Variants in HEATR5B observed in about 807,000 individuals in gnomAD.
The protein encoded by HEATR5B is HEAT repeat containing 5B, also known as HEAT repeat-containing protein 5B.
Under a neutral mutation model 224.1 loss-of-function variants are expected in HEATR5B, and 156 were observed. The ratio of observed to expected loss-of-function variants is 0.70; its 90% CI spans 0.61 to 0.80. HEATR5B has a LOEUF of 0.80. Ranked by LOEUF, HEATR5B falls within the 30% of genes least tolerant of loss-of-function variation. HEATR5B has a pLI of 0.00. For synonymous variants in HEATR5B, 1,027 were observed against 893.0 expected, an observed-to-expected ratio of 1.15 and a Z score of -2.68; for missense variants, 2,323 against 2,535.5, an observed-to-expected ratio of 0.92 and a Z score of 1.80.
Position 37,065,770 on chromosome 2 carries a change from GAAT to G in HEATR5B, c.1315_1317del (p.Ile439del). On this transcript the variant is annotated inframe_deletion, in exon 9 of 36. Transcript: ENST00000233099. ...AATGTCATACCTATAGATGCTTCTT[GAAT>G]AAGAGGGGATGCGGTGGCATTCAAG... is the stretch of plus-strand genomic sequence containing the variant. The G allele has an allele frequency of 6.2e-7, 1 of 1,613,438 alleles. No individual in the cohort carries two copies. The highest frequency in any genetic ancestry group is 8.5e-7 in the Non-Finnish European group (1 of 1,179,564).
At chr2:37,035,839 TA>T (rs1185750556) in intron 21 of HEATR5B, among the ~76,000 whole-genome samples, 2 of 152,110 alleles carry the variant, frequency 1.3e-5, no homozygotes, top group African/African-American at 4.8e-5. Flanking sequence ...TCCAGGCCCA[TA>T]AAACTAACTA....
intron 22 of HEATR5B, among the ~76,000 whole-genome samples, chr2:37,031,961 A>C (rs935306202): frequency 6.3e-5 from 8 of 127,986 alleles, no homozygotes; most frequent in African/African-American, 2.1e-4. Context: ...TAGGAATTTA[A>C]GCTATACCTA....
At position 37,028,854 on chromosome 2, in the gene HEATR5B, T is replaced by G. The variant is rs1363915141; in HGVS notation, c.3428A>C (p.Asn1143Thr). The change falls in exon 23 of 36, where the codon AAT becomes ACT. Residue 1143 changes from asparagine to threonine, a missense_variant. By Grantham distance (65) the Asn-to-Thr change is moderately conservative. This residue lies in a region of HEATR5B where 339 missense variants were observed against 378.4 expected (regional missense o/e 0.90). Coordinates refer to ENST00000233099, the MANE Select transcript of HEATR5B (RefSeq NM_019024.3). Reference protein sequence around the residue: ...TDIHCRHQGVNITETGLEGLL... With the variant: ...TDIHCRHQGVTITETGLEGLL... The stretch of plus-strand genomic sequence containing the variant: ...TCCCTCAAGACCAGTTTCTGTTATA[T>G]TAACACCTTGGTGCCGGCAATGGAT... 1 of 1,614,060 alleles carries G rather than the reference T, an allele frequency of 6.2e-7. No individual in the cohort carries two copies. The highest frequency in any genetic ancestry group is 1.1e-5 in the South Asian group (1 of 91,090).
intron 14 of HEATR5B, among the ~76,000 whole-genome samples, chr2:37,058,048 C>T (rs1325668375): frequency 6.6e-6 from 1 of 152,086 alleles, no homozygotes; most frequent in Admixed American, 6.6e-5. Context: ...GAATTATTTG[C>T]TATATTACAG....
At chr2:37,004,052 AC>A (rs1667260979) in intron 30 of HEATR5B, among the ~76,000 whole-genome samples, 1 of 152,168 alleles carries the variant, frequency 6.6e-6, no homozygotes, top group Admixed American at 6.6e-5. Flanking sequence ...ACCTCTGCCT[AC>A]CACAGATTGT....
chr2:37,034,053 T>C (rs991893384), intron 21 of HEATR5B, among the ~76,000 whole-genome samples: 3 of 152,020 alleles, frequency 2.0e-5, no homozygotes, highest in Non-Finnish European at 2.9e-5. Context: ...TGCCAGATAG[T>C]ATATTTTTAG....
In HEATR5B at chr2:37,058,924, A is replaced by G. The variant is rs201118646; in HGVS notation, c.1913T>C (p.Met638Thr). 2 of 1,610,918 alleles carry G rather than the reference A, an allele frequency of 1.2e-6. No individual in the cohort carries two copies. The highest frequency in any genetic ancestry group is 1.7e-5 in the Admixed American group (1 of 59,968). The change falls in exon 13 of 36, where the codon ATG (methionine) becomes ACG (threonine). Residue 638 changes from methionine (M) to threonine (T), a missense_variant. Coordinates refer to ENST00000233099, the MANE Select transcript of HEATR5B (RefSeq NM_019024.3). ...LLTEDVIRKL[M>T]TPIECAMTMM... is the part of the protein sequence containing the mutation. ...AGTCATGGCACATTCAATAGGGGTCATCAATTTTCGAATCACATCTTCAGT... is the reference window on the plus strand; with the variant it reads ...AGTCATGGCACATTCAATAGGGGTCGTCAATTTTCGAATCACATCTTCAGT...
chr2:37,012,394 ATT>A (rs897271764), intron 27 of HEATR5B, among the ~76,000 whole-genome samples: 1 of 147,984 alleles, frequency 6.8e-6, no homozygotes. Flanking sequence ...AATTAATTAA[ATT>A]TTTTTTTTTT....
At chr2:37,019,560 T>C (rs1668339434) in intron 26 of HEATR5B, among the ~76,000 whole-genome samples, 1 of 151,856 alleles carries the variant, frequency 6.6e-6, no homozygotes, top group African/African-American at 2.4e-5. Flanking sequence ...AGGCTCAAGA[T>C]ATCCACCAAC....
chr2:37,066,147 T>C (rs1436631036), intron 8 of HEATR5B, among the ~76,000 whole-genome samples: 2 of 152,208 alleles, frequency 1.3e-5, no homozygotes, highest in Non-Finnish European at 2.9e-5. Flanking sequence ...CTTCCAGGAA[T>C]ACAACCTAAT....
chr2:37,076,868 T>C, intron 4 of HEATR5B, 43 bp downstream of exon 4: 2 of 1,438,916 alleles, frequency 1.4e-6, no homozygotes, highest in Non-Finnish European at 2.0e-6. Context: ...ATCTAACTCT[T>C]GCCACAAGCA....
chr2:37,005,482 A>G (rs1667351347), intron 30 of HEATR5B, 150 bp downstream of exon 30: 2 of 721,510 alleles, frequency 2.8e-6, no homozygotes, highest in Non-Finnish European at 2.3e-6. Context: ...ACAGAGTAAA[A>G]GTAACTGGGT....
rs184158194 is a variant in HEATR5B at position 37,056,860 on chromosome 2, T to C, written c.2224-245A>G. On this transcript the variant is annotated intron_variant, in intron 15 of 35. Transcript: ENST00000233099. ...AAACATATTTACACCACCCACCTTA[T>C]TGCGTGAACAATATACACAAGATCT... Among the ~76,000 whole-genome samples the C allele has an allele frequency of 3.3e-5, 5 of 152,332 alleles. No homozygotes were observed. The South Asian group carries it at 6.2e-4, about 19-fold the overall frequency.
chr2:37,016,044 G>T (rs1405863611), intron 26 of HEATR5B, among the ~76,000 whole-genome samples: 1 of 151,258 alleles, frequency 6.6e-6, no homozygotes, highest in Non-Finnish European at 1.5e-5. Context: ...GCCAAGGGAA[G>T]AGTTTCAAGA....
rs755042605 is a variant in HEATR5B at position 37,008,654 on chromosome 2, G to C, written c.4479C>G (p.Leu1493=). The C allele has an allele frequency of 4.1e-5, 66 of 1,613,988 alleles. No homozygotes were observed. The highest frequency in any genetic ancestry group is 4.7e-5 in the Non-Finnish European group (56 of 1,180,008). The change falls in exon 28 of 36, where the codon CTC becomes CTG. Residue 1493 remains leucine (L), a synonymous_variant. Coordinates refer to ENST00000233099, the MANE Select transcript of HEATR5B (RefSeq NM_019024.3). The part of the protein sequence containing the change: ...LWLAALKDYA[L]LTLPAEFSSQ... ...TAGAAAATTCGGCTGGTAAAGTCAA[G>C]AGTGCATAATCTTTTAATGCTGCTA...
intron 33 of HEATR5B, among the ~76,000 whole-genome samples, chr2:36,999,633 C>T (rs1051111520): frequency 1.3e-4 from 19 of 151,462 alleles, no homozygotes; most frequent in Non-Finnish European, 2.2e-4. Context: ...GAGCTGAGAT[C>T]GTGCCAGTGA....
At chr2:37,020,128 C>T (rs376147205) in intron 25 of HEATR5B, among the ~76,000 whole-genome samples, 6 of 152,230 alleles carry the variant, frequency 3.9e-5, no homozygotes, top group South Asian at 2.1e-4. Flanking sequence ...TGGTCTTGAA[C>T]GCCTGACCTC....
rs554974300 is a variant in HEATR5B at position 37,058,368 on chromosome 2, G to A, written c.2059+83C>T. On this transcript the variant is annotated intron_variant, in intron 14 of 35. Transcript: ENST00000233099. Reference sequence around the variant, plus strand: ...CCTTCCTTTGCACAGTAAGTCAGTGGGAGAGCCTTTGTCAAGACTCTATAA... The same window carrying A: ...CCTTCCTTTGCACAGTAAGTCAGTGAGAGAGCCTTTGTCAAGACTCTATAA... The A allele has an allele frequency of 1.3e-5, 10 of 776,302 alleles. No individual in the cohort carries two copies. The African/African-American group carries it at 1.4e-4, about 11-fold the overall frequency. 48.1% of individuals were successfully genotyped at this position (776,302 alleles called of 1,614,324 possible). A position where few individuals can be genotyped will look rare whatever the true frequency, so the allele number is the denominator to read the frequency against.
chr2:37,057,289 G>C (rs534924864), intron 15 of HEATR5B, 28 bp downstream of exon 15: 1 of 1,528,138 alleles, frequency 6.5e-7, no homozygotes, highest in African/African-American at 1.4e-5. Context: ...GATTAAGTTA[G>C]TATTTCATTT....
Sources: allele counts gnomAD v4.1 joint callset (sites outside exome capture counted in the v4.1 genomes callset), GRCh38; gene constraint gnomAD v4.1.1; regional missense constraint gnomAD v4.1.1; transcripts MANE v1.5; gene names NCBI Gene and HGNC (gene_info 2026-07-23, HGNC 2026-07-21).